Variants in GTF3C4 observed in about 807,000 individuals in gnomAD.
GTF3C4 encodes general transcription factor 3C polypeptide 4.
A neutral mutation model predicts 67.5 loss-of-function variants in GTF3C4; 28 were observed. The ratio of observed to expected loss-of-function variants is 0.41; its 90% CI spans 0.31 to 0.57. The LOEUF (loss-of-function observed/expected upper bound fraction) is 0.57. GTF3C4 is among the 20% of genes least tolerant of loss of function. GTF3C4 has a pLI of 0.21. For missense variants in GTF3C4, 831 were observed against 1,033.2 expected, an observed-to-expected ratio of 0.80 and a Z score of 2.68; for synonymous variants, 409 against 393.0, an observed-to-expected ratio of 1.04 and a Z score of -0.48.
At position 132,678,887 on chromosome 9, in the gene GTF3C4, C is replaced by G; in HGVS notation, c.1268C>G (p.Ser423Ter). The G allele has an allele frequency of 6.2e-7, 1 of 1,614,176 alleles. No homozygotes were observed. ...AATTCCCATGTCACAGGCCTTCACT[C>G]ACTGCCAATTGTCTCCATGACTGCA... The part of the protein sequence containing the change: ...VHNSHVTGLH[S>*]LPIVSMTADK... The change falls in exon 2 of 5, where the codon TCA (serine) becomes TGA (stop). Residue 423 changes from serine (S) to a stop codon, truncating the protein, a stop_gained. Transcript: ENST00000372146. LOFTEE classifies it high-confidence loss of function. The surrounding 1 kb of genome is among the most constrained non-coding windows in gnomAD (Gnocchi z 6.5).
Position 132,679,678 on chromosome 9 carries a change from C to T in GTF3C4, c.2059C>T (p.His687Tyr). ...TGTGGAGATGCACTTGACCAGGGAA[C>T]ACATGAAGCGAGTCTTAGGAGAAGT... ...EAVEMHLTRE[H>Y]MKRVLGEVYL... The change falls in exon 2 of 5, where the codon CAC (histidine) becomes TAC (tyrosine). Residue 687 changes from histidine (H) to tyrosine (Y), a missense_variant. Physicochemically the swap from His to Tyr is moderately conservative, Grantham distance 83. Coordinates refer to ENST00000372146, the MANE Select transcript of GTF3C4 (RefSeq NM_012204.4). The surrounding 1 kb of genome is among the most constrained non-coding windows in gnomAD (Gnocchi z 5.9). 1.2e-6 allele frequency: 2 copies of T among 1,614,166 alleles called. No individual in the cohort carries two copies. Among genetic ancestry groups the T allele is most frequent in the Non-Finnish European group, 1.7e-6 (2 of 1,180,032 alleles).
intron 1 of GTF3C4, 82 bp downstream of exon 1, chr9:132,671,037 C>T: frequency 1.1e-6 from 1 of 941,274 alleles, no homozygotes; most frequent in South Asian, 1.3e-5. Context: ...GAATCCGATC[C>T]CACACTCTGT....
rs762433623 is a variant in GTF3C4, at chr9:132,678,148, A to C, written c.529A>C (p.Asn177His). 1.9e-6 allele frequency: 3 copies of C among 1,614,194 alleles called. No homozygotes were observed. The South Asian group carries it at 3.3e-5, about 18-fold the overall frequency. The change falls in exon 2 of 5, where the codon AAT becomes CAT. Residue 177 changes from asparagine (N) to histidine (H), a missense_variant. Transcript: ENST00000372146. This position sits in a 1 kb window ranked among gnomAD's most constrained non-coding sequence, Gnocchi z 6.5. Reference sequence around the variant, plus strand: ...CTGGTCTCCCATGGGTTGCGATGCTAATGGCAGGTGCCTCTTGGCAGCACT... The same window carrying C: ...CTGGTCTCCCATGGGTTGCGATGCTCATGGCAGGTGCCTCTTGGCAGCACT... ...TSWSPMGCDA[N>H]GRCLLAALTM...
Position 132,692,527 on chromosome 9 carries a change from T to A in GTF3C4, c.*3582T>A, listed in dbSNP as rs984732505. The A allele has an allele frequency of 3.3e-5, 5 of 152,152 alleles. No individual in the cohort carries two copies. Among genetic ancestry groups the A allele is most frequent in the African/African-American group, 4.8e-5 (2 of 41,428 alleles). 9.4% of individuals were successfully genotyped at this position (152,152 alleles called of 1,614,324 possible). A position where few individuals can be genotyped will look rare whatever the true frequency, so the allele number is the denominator to read the frequency against. ...AAAATTATGGTTAAGCTAAGCTGAATGGGTTATATTCAAAGTAAGTACAGA... is the reference window on the plus strand; with the variant it reads ...AAAATTATGGTTAAGCTAAGCTGAAAGGGTTATATTCAAAGTAAGTACAGA... On this transcript the variant is annotated 3_prime_UTR_variant, in exon 5 of 5. Coordinates refer to ENST00000372146, the MANE Select transcript of GTF3C4 (RefSeq NM_012204.4).
chr9:132,685,101 G>A (rs1836005611), intron 3 of GTF3C4, among the ~76,000 whole-genome samples: 1 of 144,458 alleles, frequency 6.9e-6, no homozygotes, highest in African/African-American at 2.6e-5. Flanking sequence ...TGTGACCTTT[G>A]CCTCCTGGGT....
intron 2 of GTF3C4, among the ~76,000 whole-genome samples, chr9:132,682,314 G>T (rs1377990555): frequency 6.6e-6 from 1 of 152,086 alleles, no homozygotes; most frequent in Non-Finnish European, 1.5e-5. Flanking sequence ...ATACAGAAGA[G>T]GTAAGATAGC....
At chr9:132,682,538 AAAAAAAG>A (rs978490324) in intron 2 of GTF3C4, among the ~76,000 whole-genome samples, 5 of 151,920 alleles carry the variant, frequency 3.3e-5, no homozygotes, top group Non-Finnish European at 5.9e-5. Flanking sequence ...TTTTAAAAAA[AAAAAAAG>A]AATTGGATTC....
In GTF3C4 at chr9:132,679,131, T is replaced by A. The variant is rs1158532496; in HGVS notation, c.1512T>A (p.Val504=). 6.2e-7 allele frequency: 1 copy of A among 1,614,194 alleles called. No homozygotes were observed. Among genetic ancestry groups the A allele is most frequent in the Non-Finnish European group, 8.5e-7 (1 of 1,180,028 alleles). Residue 504 remains valine (V), a synonymous_variant, in exon 2 of 5, where the codon GTT becomes GTA. Coordinates refer to ENST00000372146, the MANE Select transcript of GTF3C4 (RefSeq NM_012204.4). This position sits in a 1 kb window ranked among gnomAD's most constrained non-coding sequence, Gnocchi z 5.9. ...TEGMINGLHP[V]NKNYQVQFVT... ...GCATGATCAACGGCCTCCACCCTGT[T>A]AACAAAAACTACCAGGTCCAATTTG... is the stretch of plus-strand genomic sequence containing the variant.
upstream of GTF3C4, chr9:132,670,087 G>C: frequency 6.4e-7 from 1 of 1,562,586 alleles, no homozygotes; most frequent in Non-Finnish European, 8.7e-7. Context: ...AGGGGAGCCG[G>C]GGACGGCGGC....
Position 132,694,749 on chromosome 9 carries a change from T to C in GTF3C4, c.*5804T>C, listed in dbSNP as rs918361006. On this transcript the variant is annotated 3_prime_UTR_variant, in exon 5 of 5. Coordinates refer to ENST00000372146, the MANE Select transcript of GTF3C4 (RefSeq NM_012204.4). ...GATGAACTACCATTGGTTTTAGCTC[T>C]TTCTCATTTGGGATTCCCCTCAATT... 3 of 152,222 alleles carry C rather than the reference T, an allele frequency of 2.0e-5. No individual in the cohort carries two copies. The highest frequency in any genetic ancestry group is 4.4e-5 in the Non-Finnish European group (3 of 68,040). 9.4% of individuals were successfully genotyped at this position (152,222 alleles called of 1,614,324 possible). A position where few individuals can be genotyped will look rare whatever the true frequency, so the allele number is the denominator to read the frequency against.
Position 132,694,602 on chromosome 9 carries a change from T to C in GTF3C4, c.*5657T>C, listed in dbSNP as rs1398216506. The stretch of plus-strand genomic sequence containing the variant: ...TTATGGAGAAAATGAAATGGAAATT[T>C]GGGGAGGGTGGTTTGTCAGTATAAG... On this transcript the variant is annotated 3_prime_UTR_variant, in exon 5 of 5. Coordinates refer to ENST00000372146, the MANE Select transcript of GTF3C4 (RefSeq NM_012204.4). 6.6e-6 allele frequency: 1 copy of C among 152,160 alleles called. No homozygotes were observed. Among genetic ancestry groups the C allele is most frequent in the Non-Finnish European group, 1.5e-5 (1 of 68,034 alleles). 9.4% of individuals were successfully genotyped at this position (152,160 alleles called of 1,614,324 possible).
intron 3 of GTF3C4, among the ~76,000 whole-genome samples, chr9:132,686,967 T>A (rs1836039533): frequency 6.6e-6 from 1 of 152,158 alleles, no homozygotes. Context: ...TGCGGTCAGG[T>A]GTGGACAGAC....
chr9:132,687,544 T>C (rs1054698703), intron 4 of GTF3C4, among the ~76,000 whole-genome samples: 4 of 152,240 alleles, frequency 2.6e-5, no homozygotes, highest in African/African-American at 9.6e-5. Flanking sequence ...ATTGAAGTGC[T>C]TACTGCATTT....
chr9:132,686,478 G>C (rs1462608761), intron 3 of GTF3C4, among the ~76,000 whole-genome samples: 1 of 151,898 alleles, frequency 6.6e-6, no homozygotes, highest in Non-Finnish European at 1.5e-5. Flanking sequence ...TGTGTTTTCT[G>C]CTCCTTAGTT....
intron 1 of GTF3C4, among the ~76,000 whole-genome samples, chr9:132,673,753 T>A (rs1835824504): frequency 6.6e-6 from 1 of 152,226 alleles, no homozygotes; most frequent in Non-Finnish European, 1.5e-5. Flanking sequence ...TCTATAATTC[T>A]GTTATTTAGA....
chr9:132,683,536 A>G, intron 2 of GTF3C4, 27 bp from the exon 3 acceptor site: 1 of 1,597,020 alleles, frequency 6.3e-7, no homozygotes, highest in East Asian at 2.3e-5. Context: ...CTTACACTAA[A>G]CTTTGCTGAC....
At chr9:132,684,072 C>G (rs962352578) in intron 3 of GTF3C4, among the ~76,000 whole-genome samples, 1 of 152,166 alleles carries the variant, frequency 6.6e-6, no homozygotes, top group African/African-American at 2.4e-5. Context: ...CACCTGCCTT[C>G]CGGGACACAG....
At chr9:132,674,845 CAG>C (rs1315590707) in intron 1 of GTF3C4, among the ~76,000 whole-genome samples, 3 of 152,168 alleles carry the variant, frequency 2.0e-5, no homozygotes, top group Non-Finnish European at 2.9e-5. Flanking sequence ...GCCTGGGCAA[CAG>C]AGAGAGACCG....
Position 132,691,605 on chromosome 9 carries a change from G to A in GTF3C4, c.*2660G>A, listed in dbSNP as rs1030227340. 2.6e-5 allele frequency: 4 copies of A among 152,158 alleles called. No individual in the cohort carries two copies. The highest frequency in any genetic ancestry group is 9.7e-5 in the African/African-American group (4 of 41,428). 9.4% of individuals were successfully genotyped at this position (152,158 alleles called of 1,614,324 possible). On this transcript the variant is annotated 3_prime_UTR_variant, in exon 5 of 5. Coordinates refer to ENST00000372146, the MANE Select transcript of GTF3C4 (RefSeq NM_012204.4). The stretch of plus-strand genomic sequence containing the variant: ...AGGTATCACATTTTCTCTGCCTGGG[G>A]TTAATTTGTTCTTATTATTCTAGGT...
Sources: allele counts gnomAD v4.1 joint callset (sites outside exome capture counted in the v4.1 genomes callset), GRCh38; gene constraint gnomAD v4.1.1; non-coding constraint Gnocchi (gnomAD v3.1); transcripts MANE v1.5; gene names NCBI Gene and HGNC (gene_info 2026-07-23, HGNC 2026-07-21).